DLGAP1: variants seen among roughly 807,000 people sequenced by gnomAD.
DLGAP1 encodes DLG associated protein 1, also known as disks large-associated protein 1.
Under a neutral mutation model 90.8 loss-of-function variants are expected in DLGAP1, and 11 were observed. That is an observed-to-expected ratio of 0.12 (90% confidence interval 0.08 to 0.20). The LOEUF is 0.20. Among genes scored for constraint, DLGAP1 ranks in the 10% least tolerant of loss-of-function variants. The pLI, the probability that DLGAP1 is intolerant of heterozygous loss-of-function variation, is 1.00. For missense variants in DLGAP1, 1,050 were observed against 1,333.8 expected (o/e 0.79, Z 3.31); for synonymous variants, 558 against 540.7 (o/e 1.03, Z -0.44).
At chr18:3,869,240 A>G (rs1294992391) in intron 4 of DLGAP1, among the ~76,000 whole-genome samples, 1 of 151,992 alleles carries the variant, frequency 6.6e-6, no homozygotes, top group East Asian at 1.9e-4. Context: ...GCCATGGGAA[A>G]ACCTGATCCA....
At chr18:3,821,927 C>T in intron 4 of DLGAP1, 1 of 985,018 alleles carries the variant, frequency 1.0e-6, no homozygotes, top group South Asian at 4.7e-5. Flanking sequence ...GCTGGGAGAA[C>T]TGCTTTTCTG....
At chr18:3,591,600 G>A (rs1369019131) in intron 7 of DLGAP1, among the ~76,000 whole-genome samples, 5 of 151,900 alleles carry the variant, frequency 3.3e-5, no homozygotes, top group Admixed American at 3.3e-4. Context: ...CTACTTGGAA[G>A]GCTGGGGCGG....
chr18:4,251,676 T>G (rs992692644), intron 1 of DLGAP1, among the ~76,000 whole-genome samples: 1 of 152,174 alleles, frequency 6.6e-6, no homozygotes, highest in Non-Finnish European at 1.5e-5. Flanking sequence ...CAGCCACTAT[T>G]AAAAAACAGT....
At chr18:4,304,803 C>T (rs2080209466) in intron 1 of DLGAP1, among the ~76,000 whole-genome samples, 2 of 151,994 alleles carry the variant, frequency 1.3e-5, no homozygotes, top group Admixed American at 1.3e-4. Flanking sequence ...CGGTGGCGGG[C>T]ACCTATAATC....
chr18:4,065,757 T>G (rs1475752750), intron 2 of DLGAP1, among the ~76,000 whole-genome samples: 1 of 152,142 alleles, frequency 6.6e-6, no homozygotes, highest in Non-Finnish European at 1.5e-5. Context: ...CAAAGCAATT[T>G]ATAAATTCAA....
intron 1 of DLGAP1, among the ~76,000 whole-genome samples, chr18:4,382,948 ACCTTGGAAAC>A (rs889007339): frequency 6.6e-6 from 1 of 152,144 alleles, no homozygotes; most frequent in African/African-American, 2.4e-5. Flanking sequence ...GCAACTAAGA[ACCTTGGAAAC>A]CAAAGAATGT....
At chr18:3,977,910 C>T in intron 3 of DLGAP1, 1 of 363,712 alleles carries the variant, frequency 2.7e-6, no homozygotes, top group African/African-American at 2.1e-5. Context: ...AGGTCCATGA[C>T]CAACACGTTG....
intron 1 of DLGAP1, among the ~76,000 whole-genome samples, chr18:4,164,911 G>A (rs377200260): frequency 6.6e-6 from 1 of 152,096 alleles, no homozygotes; most frequent in Non-Finnish European, 1.5e-5. Context: ...ACACAGAATC[G>A]ATGAACCTAA....
intron 1 of DLGAP1, among the ~76,000 whole-genome samples, chr18:4,232,329 A>G (rs2078316834): frequency 6.6e-6 from 1 of 152,150 alleles, no homozygotes; most frequent in Admixed American, 6.6e-5. Flanking sequence ...AAATGTGGCT[A>G]AAGGTATTCT....
chr18:3,603,993 G>T lies in DLGAP1; in HGVS notation c.1592-21745C>A, dbSNP rs62619189. On this transcript the variant is annotated intron_variant, in intron 7 of 12. Coordinates refer to ENST00000315677, the MANE Select transcript of DLGAP1 (RefSeq NM_004746.4). Reference sequence around the variant, plus strand: ...CTTTGACCCGATGCTGTCAGAGAGCGTGCATGAAGAAGAAAGTTAATGGTA... The same window carrying T: ...CTTTGACCCGATGCTGTCAGAGAGCTTGCATGAAGAAGAAAGTTAATGGTA... The T allele has an allele frequency of 3.0e-3, 471 of 154,510 alleles. 2 individuals are homozygous for T. Among genetic ancestry groups the T allele is most frequent in the Admixed American group, 4.4e-3 (67 of 15,306 alleles). The allele number at this position is 154,510 out of a possible 1,614,324, so 9.6% of individuals were successfully genotyped here. A position where few individuals can be genotyped will look rare whatever the true frequency, so the allele number is the denominator to read the frequency against.
chr18:3,668,059 C>A (rs1274731523), intron 7 of DLGAP1, among the ~76,000 whole-genome samples: 2 of 152,172 alleles, frequency 1.3e-5, no homozygotes, highest in African/African-American at 2.4e-5. Context: ...AAACTATCAT[C>A]TCCCATCTAT....
chr18:4,319,414 A>C (rs2080621320), intron 1 of DLGAP1, among the ~76,000 whole-genome samples: 1 of 152,206 alleles, frequency 6.6e-6, no homozygotes, highest in Non-Finnish European at 1.5e-5. Flanking sequence ...GGCTGAACAA[A>C]GGAGTACTCA....
At chr18:4,203,269 A>G (rs1379523640) in intron 1 of DLGAP1, among the ~76,000 whole-genome samples, 1 of 151,530 alleles carries the variant, frequency 6.6e-6, no homozygotes, top group Non-Finnish European at 1.5e-5. Context: ...AGAGATTAAA[A>G]AAAAAAAAAA....
intron 1 of DLGAP1, among the ~76,000 whole-genome samples, chr18:4,304,116 G>C (rs1015573179): frequency 7.9e-5 from 12 of 152,166 alleles, no homozygotes; most frequent in African/African-American, 2.9e-4. Context: ...TCATAAAACT[G>C]TGCAGAAATG....
At chr18:3,888,153 A>C (rs1338841139) in intron 3 of DLGAP1, among the ~76,000 whole-genome samples, 1 of 151,388 alleles carries the variant, frequency 6.6e-6, no homozygotes, top group Non-Finnish European at 1.5e-5. Context: ...CAGAAAACTT[A>C]ACAGAGGTGA....
At chr18:3,760,857 A>G (rs2063932843) in intron 5 of DLGAP1, among the ~76,000 whole-genome samples, 1 of 152,224 alleles carries the variant, frequency 6.6e-6, no homozygotes, top group Non-Finnish European at 1.5e-5. Context: ...TAGCATAAAT[A>G]GTTTTACAGC....
Position 4,008,224 on chromosome 18 carries a change from T to TACAC in DLGAP1, c.-158-3024_-158-3023insGTGT, listed in dbSNP as rs759118888. Among the ~76,000 whole-genome samples the TACAC allele has an allele frequency of 6.7e-3, 980 of 145,548 alleles. 10 individuals are homozygous for TACAC. The highest frequency in any genetic ancestry group is 0.021 in the African/African-American group (826 of 39,742). ...ATATGTAAATAAATAAATATATATATATACACACACACACACACACACACA... is the reference window on the plus strand; with the variant it reads ...ATATGTAAATAAATAAATATATATATACACATACACACACACACACACACACACA... On this transcript the variant is annotated intron_variant, in intron 2 of 12. Transcript: ENST00000315677.
chr18:3,699,434 G>C (rs560194119), intron 7 of DLGAP1, among the ~76,000 whole-genome samples: 1 of 152,096 alleles, frequency 6.6e-6, no homozygotes, highest in Non-Finnish European at 1.5e-5. Context: ...CTGGAGGTCC[G>C]CTCCAGATCC....
chr18:4,392,125 G>T (rs918191941), intron 1 of DLGAP1, among the ~76,000 whole-genome samples: 1 of 152,084 alleles, frequency 6.6e-6, no homozygotes, highest in Non-Finnish European at 1.5e-5. Flanking sequence ...TGATTACTAG[G>T]TCATAAAAAA....
Sources: allele counts gnomAD v4.1 joint callset (sites outside exome capture counted in the v4.1 genomes callset), GRCh38; gene constraint gnomAD v4.1.1; transcripts MANE v1.5; gene names NCBI Gene and HGNC (gene_info 2026-07-23, HGNC 2026-07-21).